The following GPR20 variants were observed in gnomAD, a reference collection of about 807,000 sequenced individuals.
GPR20 encodes the protein G protein-coupled receptor 20.
For missense variants in GPR20, 494 were observed against 527.4 expected (o/e 0.94, Z 0.62); for synonymous variants, 241 against 241.9 (o/e 1.00, Z 0.04).
At chr8:141,365,656 C>A (rs142386926) in intron 1 of GPR20, among the ~76,000 whole-genome samples, 3 of 152,148 alleles carry the variant, frequency 2.0e-5, no homozygotes, top group Non-Finnish European at 2.9e-5. Flanking sequence ...GAGGGAAGAG[C>A]GCTCCCGGCA....
In GPR20 at chr8:141,356,765, T is replaced by C. The variant is rs1429830393; in HGVS notation, c.*82A>G. The C allele has an allele frequency of 2.1e-6, 2 of 970,648 alleles. No individual in the cohort carries two copies. The highest frequency in any genetic ancestry group is 3.1e-6 in the Non-Finnish European group (2 of 649,464). 60.1% of individuals were successfully genotyped at this position (970,648 alleles called of 1,614,324 possible). A position where few individuals can be genotyped will look rare whatever the true frequency, so the allele number is the denominator to read the frequency against. Reference sequence around the variant, plus strand: ...CACCAATCAATCGAGATGGAACCGATTGCCACCCCTGGCATGGTGGGTGTC... The same window carrying C: ...CACCAATCAATCGAGATGGAACCGACTGCCACCCCTGGCATGGTGGGTGTC... On this transcript the variant is annotated 3_prime_UTR_variant, in exon 2 of 2. Coordinates refer to ENST00000377741, the MANE Select transcript of GPR20 (RefSeq NM_005293.3).
chr8:141,365,800 C>G (rs1036840704), intron 1 of GPR20, among the ~76,000 whole-genome samples: 2 of 152,112 alleles, frequency 1.3e-5, no homozygotes, highest in Non-Finnish European at 2.9e-5. Flanking sequence ...GTTCTTTGGG[C>G]CCTGACGCCC....
intron 1 of GPR20, 90 bp from the exon 2 acceptor site, chr8:141,358,037 T>C: frequency 6.1e-6 from 4 of 653,516 alleles, no homozygotes; most frequent in South Asian, 5.9e-5. Flanking sequence ...CGTCTGCCCC[T>C]GCACGCCCAG....
intron 1 of GPR20, among the ~76,000 whole-genome samples, chr8:141,359,784 C>G (rs938075088): frequency 6.6e-6 from 1 of 152,114 alleles, no homozygotes; most frequent in Non-Finnish European, 1.5e-5. Flanking sequence ...CCCAGAAGGT[C>G]CCCCCGAAAG....
intron 1 of GPR20, among the ~76,000 whole-genome samples, chr8:141,361,911 A>G (rs1422493501): frequency 6.6e-6 from 1 of 152,126 alleles, no homozygotes; most frequent in African/African-American, 2.4e-5. Context: ...CCGGCCTTTC[A>G]AGGCTTCGCT....
chr8:141,357,078 G>C lies in GPR20; in HGVS notation c.846C>G (p.Ala282=), dbSNP rs776918296. The change falls in exon 2 of 2, where the codon GCC becomes GCG. Residue 282 remains alanine (A), a synonymous_variant. Transcript: ENST00000377741. ...HHTSLVVYHV[A]VTLSSLNSCM... ...AGCTGTTGAGGCTGCTGAGGGTCAC[G>C]GCCACGTGGTAGACCACGAGGCTCG... The C allele has an allele frequency of 6.2e-7, 1 of 1,612,386 alleles. No homozygotes were observed. Among genetic ancestry groups the C allele is most frequent in the African/African-American group, 1.3e-5 (1 of 74,940 alleles).
In GPR20 at chr8:141,356,952, G is replaced by A. The variant is rs754722084; in HGVS notation, c.972C>T (p.Asp324=). The A allele has an allele frequency of 2.0e-5, 33 of 1,612,880 alleles. No individual in the cohort carries two copies. In the African/African-American group the frequency reaches 2.8e-4, roughly 14 times the overall value. Residue 324 remains aspartate, a synonymous_variant, in exon 2 of 2, where the codon GAC becomes GAT. Coordinates refer to ENST00000377741, the MANE Select transcript of GPR20 (RefSeq NM_005293.3). ...QHGEREPSSG[D]VVSMHRSSKG... is the part of the protein sequence containing the mutation. ...TGGAGCTCCTGTGCATGCTGACCAC[G>A]TCACCGCTGCTGGGCTCACGCTCTC...
rs201448608 is a variant in GPR20 at position 141,357,095 on chromosome 8, C to T, written c.829G>A (p.Val277Met). The T allele has an allele frequency of 3.3e-5, 53 of 1,612,468 alleles. No homozygotes were observed. The Admixed American group carries it at 4.7e-4, about 14-fold the overall frequency. Residue 277 changes from valine (V) to methionine (M), a missense_variant, in exon 2 of 2, where the codon GTG becomes ATG. Coordinates refer to ENST00000377741, the MANE Select transcript of GPR20 (RefSeq NM_005293.3). ...AGGGTCACGGCCACGTGGTAGACCACGAGGCTCGTGTGGTGTGGCATGTCG... is the reference window on the plus strand; with the variant it reads ...AGGGTCACGGCCACGTGGTAGACCATGAGGCTCGTGTGGTGTGGCATGTCG... ...WPDMPHHTSLVVYHVAVTLSS... is the reference protein window; with the variant it reads ...WPDMPHHTSLMVYHVAVTLSS...
chr8:141,359,254 C>T lies in GPR20; in HGVS notation c.-24-1307G>A, dbSNP rs576014714. Reference sequence around the variant, plus strand: ...GCCCCGCCACTCCCTCTGACCAGTGCGTGGCCCCATCCCACCCCTGGGGAA... The same window carrying T: ...GCCCCGCCACTCCCTCTGACCAGTGTGTGGCCCCATCCCACCCCTGGGGAA... On this transcript the variant is annotated intron_variant, in intron 1 of 1. Transcript: ENST00000377741. Among the ~76,000 whole-genome samples the T allele has an allele frequency of 7.9e-5, 12 of 152,300 alleles. No homozygotes were observed. The East Asian group carries it at 1.9e-3, about 25-fold the overall frequency.
chr8:141,362,513 A>G (rs1221912685), intron 1 of GPR20, among the ~76,000 whole-genome samples: 3 of 152,200 alleles, frequency 2.0e-5, no homozygotes, highest in Non-Finnish European at 4.4e-5. Flanking sequence ...AAGCCTCATC[A>G]GGGCTGGCAA....
In GPR20 at chr8:141,363,509, C is replaced by T. The variant is rs573239840; in HGVS notation, c.-25+3692G>A. ...CCTGCTCCATCCATCCCAATGGCCACACCACTAGTCCATGCCCAGAGCACT... is the reference window on the plus strand; with the variant it reads ...CCTGCTCCATCCATCCCAATGGCCATACCACTAGTCCATGCCCAGAGCACT... On this transcript the variant is annotated intron_variant, in intron 1 of 1. Coordinates refer to ENST00000377741, the MANE Select transcript of GPR20 (RefSeq NM_005293.3). Among the ~76,000 whole-genome samples, 157 of 152,274 alleles carry T rather than the reference C, an allele frequency of 1.0e-3. 2 individuals carry two copies. The highest frequency in any genetic ancestry group is 2.0e-3 in the Non-Finnish European group (133 of 68,044).
At chr8:141,366,464 C>T (rs1270789125) in intron 1 of GPR20, among the ~76,000 whole-genome samples, 3 of 152,238 alleles carry the variant, frequency 2.0e-5, no homozygotes, top group Non-Finnish European at 2.9e-5. Context: ...GCTGCCCCCT[C>T]GGGACCCTGT....
At chr8:141,365,178 C>T in intron 1 of GPR20, among the ~76,000 whole-genome samples, 1 of 152,190 alleles carries the variant, frequency 6.6e-6, no homozygotes, top group East Asian at 1.9e-4. Flanking sequence ...GCCCTAGTGC[C>T]CTGGATGCCC....
intron 1 of GPR20, among the ~76,000 whole-genome samples, chr8:141,366,563 C>T (rs570316031): frequency 3.3e-5 from 5 of 152,360 alleles, no homozygotes; most frequent in African/African-American, 9.6e-5. Context: ...GGCAAGCAAG[C>T]CTTCCCTGGG....
Position 141,356,580 on chromosome 8 carries a change from C to T in GPR20, c.*267G>A, listed in dbSNP as rs1400600897. On this transcript the variant is annotated 3_prime_UTR_variant, in exon 2 of 2. Coordinates refer to ENST00000377741, the MANE Select transcript of GPR20 (RefSeq NM_005293.3). The stretch of plus-strand genomic sequence containing the variant: ...AACTGGCCAAAGTGAGGAGCAGCTC[C>T]CGGCTACCCCTGTGAGTTTTCAGTG... 1.7e-5 allele frequency: 7 copies of T among 414,274 alleles called. No individual in the cohort carries two copies. The highest frequency in any genetic ancestry group is 3.0e-5 in the Non-Finnish European group (7 of 234,926). 25.7% of individuals were successfully genotyped at this position (414,274 alleles called of 1,614,324 possible).
intron 1 of GPR20, among the ~76,000 whole-genome samples, chr8:141,366,676 C>T (rs374533632): frequency 4.6e-5 from 7 of 152,164 alleles, no homozygotes; most frequent in African/African-American, 9.6e-5. Context: ...GGGAGCATGG[C>T]GCTTGGAGCC....
chr8:141,365,201 G>T (rs926884216), intron 1 of GPR20, among the ~76,000 whole-genome samples: 4 of 152,212 alleles, frequency 2.6e-5, no homozygotes, highest in African/African-American at 9.7e-5. Flanking sequence ...GCCCCAGGGG[G>T]AGAGCTATGA....
In GPR20 at chr8:141,357,606, C is replaced by T; in HGVS notation, c.318G>A (p.Leu106=). Residue 106 remains leucine, a synonymous_variant, in exon 2 of 2, where the codon CTG becomes CTA. Transcript: ENST00000377741. ...CGTAGTACACAGCGAAGCGCGTGGG[C>T]AGGGACAGCCCTACCAGTAGATCGG... The part of the protein sequence containing the change: ...VVTDLLVGLS[L]PTRFAVYYGA... The T allele has an allele frequency of 6.2e-7, 1 of 1,613,952 alleles. No homozygotes were observed. The highest frequency in any genetic ancestry group is 8.5e-7 in the Non-Finnish European group (1 of 1,179,998).
rs137993467 is a variant in GPR20, at chr8:141,357,874, G to A, written c.50C>T (p.Ala17Val). The change falls in exon 2 of 2, where the codon GCC (alanine) becomes GTC (valine). Residue 17 changes from alanine (A) to valine (V), a missense_variant. Transcript: ENST00000377741. The stretch of plus-strand genomic sequence containing the variant: ...GGTCCGCACTGTTGTCACTGCGGTG[G>A]CATTGGGGACTGCCCCGGCCGAGGG... ...AGPSAGAVPN[A>V]TAVTTVRTNA... 1.2e-6 allele frequency: 2 copies of A among 1,605,728 alleles called. No homozygotes were observed. The highest frequency in any genetic ancestry group is 1.1e-5 in the South Asian group (1 of 90,466).
Sources: gnomAD v4.1 joint callset for allele counts (sites outside exome capture counted in the v4.1 genomes callset) on GRCh38, gnomAD v4.1.1 for gene constraint, MANE v1.5 for transcripts, NCBI Gene and HGNC (gene_info 2026-07-23, HGNC 2026-07-21) for gene names.